Variants in SUPT3H observed in about 807,000 individuals in gnomAD.
The protein encoded by SUPT3H is SPT3 homolog, SAGA and STAGA complex component, also known as transcription initiation protein SPT3 homolog.
Under a neutral mutation model 44.3 loss-of-function variants are expected in SUPT3H, and 44 were observed. That is an observed-to-expected ratio of 0.99 (90% CI 0.78 to 1.28). The LOEUF (loss-of-function observed/expected upper bound fraction) is 1.28. Among genes scored for constraint, SUPT3H ranks in the 50% most tolerant of loss-of-function variants. The pLI, the probability that SUPT3H is intolerant of heterozygous loss-of-function variation, is 0.00. For synonymous variants in SUPT3H, 124 were observed against 125.6 expected (o/e 0.99, Z 0.09); for missense variants, 380 against 387.1 (o/e 0.98, Z 0.15).
In SUPT3H at chr6:45,189,823, C is replaced by T. The variant is rs368948397; in HGVS notation, c.102-83817G>A. ...GGAAAGCCATTAATAACCCCACGTT[C>T]CTTGATGTCCCAAGTTATATGTAAC... On this transcript the variant is annotated intron_variant, in intron 2 of 10. Coordinates refer to ENST00000371459, the MANE Select transcript of SUPT3H (RefSeq NM_003599.4). 6.1e-3 allele frequency among the ~76,000 whole-genome samples: 927 copies of T among 152,286 alleles called. 10 individuals are homozygous for T. The highest frequency in any genetic ancestry group is 0.034 in the Middle Eastern group (10 of 294).
chr6:45,147,107 T>G (rs1370460504), intron 2 of SUPT3H, among the ~76,000 whole-genome samples: 1 of 152,136 alleles, frequency 6.6e-6, no homozygotes, highest in Non-Finnish European at 1.5e-5. Context: ...GTAAAGAAAC[T>G]GAGGCACTGA....
chr6:45,243,955 C>T (rs758727331), intron 2 of SUPT3H, among the ~76,000 whole-genome samples: 3 of 152,180 alleles, frequency 2.0e-5, no homozygotes, highest in Non-Finnish European at 4.4e-5. Context: ...GATCATGGCT[C>T]ACTGCAGCCT....
At chr6:45,132,924 G>A (rs992362164) in intron 2 of SUPT3H, among the ~76,000 whole-genome samples, 1 of 152,040 alleles carries the variant, frequency 6.6e-6, no homozygotes, top group Non-Finnish European at 1.5e-5. Flanking sequence ...TATCCAACAG[G>A]ACAAAAGTAG....
chr6:45,343,705 A>G (rs1790293227), intron 2 of SUPT3H, among the ~76,000 whole-genome samples: 1 of 152,178 alleles, frequency 6.6e-6, no homozygotes, highest in Admixed American at 6.5e-5. Flanking sequence ...GCTTGTGAAA[A>G]GCCTTGATGA....
At chr6:45,328,344 C>T (rs745978591) in intron 2 of SUPT3H, 10 of 1,377,434 alleles carry the variant, frequency 7.3e-6, no homozygotes, top group Non-Finnish European at 8.7e-6. Flanking sequence ...GCCTCACAAA[C>T]AACCACAGAA....
At chr6:45,293,463 C>A (rs79190481) in intron 2 of SUPT3H, among the ~76,000 whole-genome samples, 2 of 151,426 alleles carry the variant, frequency 1.3e-5, no homozygotes, top group African/African-American at 4.9e-5. Context: ...CCAAGCCTTG[C>A]AGAAGAAAGT....
At chr6:45,264,116 G>A (rs895743189) in intron 2 of SUPT3H, among the ~76,000 whole-genome samples, 5 of 152,032 alleles carry the variant, frequency 3.3e-5, no homozygotes, top group African/African-American at 1.2e-4. Context: ...AAATCTATTA[G>A]CTATGAATTA....
chr6:44,887,944 C>T (rs577620150), intron 10 of SUPT3H, among the ~76,000 whole-genome samples: 1 of 152,094 alleles, frequency 6.6e-6, no homozygotes, highest in African/African-American at 2.4e-5. Context: ...GATATCACCA[C>T]CGATCCCACA....
chr6:45,015,795 G>A (rs145574841), intron 4 of SUPT3H, among the ~76,000 whole-genome samples: 47 of 149,644 alleles, frequency 3.1e-4, no homozygotes, highest in East Asian at 2.2e-3. Flanking sequence ...ACACACGCGC[G>A]CGCACACACA....
chr6:45,183,309 G>A (rs1026127930), intron 2 of SUPT3H, among the ~76,000 whole-genome samples: 1 of 152,200 alleles, frequency 6.6e-6, no homozygotes, highest in Non-Finnish European at 1.5e-5. Context: ...CAAAAGCTGG[G>A]GGGAGAGAGG....
chr6:45,227,070 C>T (rs1469352123), intron 2 of SUPT3H, among the ~76,000 whole-genome samples: 1 of 150,796 alleles, frequency 6.6e-6, no homozygotes, highest in African/African-American at 2.4e-5. Flanking sequence ...TTCTCAAACT[C>T]CTGAGCTCAA....
intron 2 of SUPT3H, among the ~76,000 whole-genome samples, chr6:45,270,371 T>C (rs1374364944): frequency 6.6e-6 from 1 of 152,112 alleles, no homozygotes; most frequent in Non-Finnish European, 1.5e-5. Context: ...TCCCAGGTGT[T>C]GTGGGAGGCA....
chr6:44,855,713 G>A (rs1448417119), intron 10 of SUPT3H, among the ~76,000 whole-genome samples: 1 of 151,744 alleles, frequency 6.6e-6, no homozygotes. Flanking sequence ...TTCTGTTTCG[G>A]TTCTAGGACA....
At chr6:45,284,663 T>G (rs1462700442) in intron 2 of SUPT3H, among the ~76,000 whole-genome samples, 5 of 151,990 alleles carry the variant, frequency 3.3e-5, no homozygotes, top group African/African-American at 1.2e-4. Flanking sequence ...TCTACCAGAG[T>G]TACAAGGAAG....
intron 10 of SUPT3H, among the ~76,000 whole-genome samples, chr6:44,861,824 C>T (rs1561907389): frequency 6.6e-6 from 1 of 152,188 alleles, no homozygotes; most frequent in Non-Finnish European, 1.5e-5. Context: ...AGATACCAAG[C>T]TTGGAAGTTC....
At chr6:45,078,251 T>C (rs980974500) in intron 3 of SUPT3H, among the ~76,000 whole-genome samples, 1 of 152,228 alleles carries the variant, frequency 6.6e-6, no homozygotes, top group African/African-American at 2.4e-5. Flanking sequence ...TTTTTGTTTG[T>C]ATATCTGCTG....
chr6:45,323,720 AAG>A (rs1355562832), intron 2 of SUPT3H, among the ~76,000 whole-genome samples: 2 of 152,078 alleles, frequency 1.3e-5, no homozygotes, highest in African/African-American at 2.4e-5. Context: ...GTTCAATTGA[AAG>A]AGAGGAGATT....
intron 2 of SUPT3H, among the ~76,000 whole-genome samples, chr6:45,350,970 C>T (rs1485827904): frequency 6.6e-6 from 1 of 152,084 alleles, no homozygotes; most frequent in Non-Finnish European, 1.5e-5. Flanking sequence ...TTAGATTCTC[C>T]GACCCTATAG....
chr6:45,372,710 G>A (rs1796252431), intron 1 of SUPT3H, among the ~76,000 whole-genome samples: 1 of 152,114 alleles, frequency 6.6e-6, no homozygotes, highest in South Asian at 2.1e-4. Flanking sequence ...TCAGGATGGA[G>A]TACAGTGGCA....
Sources: gnomAD v4.1 joint callset for allele counts (sites outside exome capture counted in the v4.1 genomes callset) on GRCh38, gnomAD v4.1.1 for gene constraint, MANE v1.5 for transcripts, NCBI Gene and HGNC (gene_info 2026-07-23, HGNC 2026-07-21) for gene names.